Variants in SPOCK3 observed in about 807,000 individuals in gnomAD.
SPOCK3 encodes the protein SPARC (osteonectin), cwcv and kazal like domains proteoglycan 3.
Under a neutral mutation model 56.6 loss-of-function variants are expected in SPOCK3, and 30 were observed. That is an observed-to-expected ratio of 0.53 (90% confidence interval 0.40 to 0.72). SPOCK3 has a LOEUF of 0.72. Ranked by LOEUF, SPOCK3 falls within the 30% of genes least tolerant of loss-of-function variation. The probability of loss-of-function intolerance (pLI) is 0.00; values close to 1 mark genes in which losing one functional copy is unlikely to be tolerated. For synonymous variants in SPOCK3, 196 were observed against 183.3 expected (o/e 1.07, Z -0.56); for missense variants, 527 against 530.0 (o/e 0.99, Z 0.06).
At chr4:166,847,603 T>G (rs899137494) in intron 6 of SPOCK3, among the ~76,000 whole-genome samples, 25 of 135,340 alleles carry the variant, frequency 1.8e-4, no homozygotes, top group African/African-American at 6.7e-4. Context: ...AAGTAGAGCA[T>G]TTTTGGGTAA....
chr4:167,015,253 T>A (rs531355674), intron 3 of SPOCK3, among the ~76,000 whole-genome samples: 38 of 152,232 alleles, frequency 2.5e-4, no homozygotes, highest in African/African-American at 8.9e-4. Flanking sequence ...CTGTTGGCAA[T>A]GTTTATAAAA....
chr4:167,048,327 A>C (rs574892902), intron 3 of SPOCK3, among the ~76,000 whole-genome samples: 1 of 152,124 alleles, frequency 6.6e-6, no homozygotes, highest in Admixed American at 6.6e-5. Context: ...ACAAAAATGC[A>C]AAAGAAAAAA....
chr4:167,156,667 CTGA>C (rs1764843291), intron 2 of SPOCK3, among the ~76,000 whole-genome samples: 1 of 152,118 alleles, frequency 6.6e-6, no homozygotes, highest in Non-Finnish European at 1.5e-5. Flanking sequence ...CTGTAACTTA[CTGA>C]TGTGTGCATA....
chr4:167,087,646 G>A (rs1002738726), intron 2 of SPOCK3, among the ~76,000 whole-genome samples: 1 of 152,116 alleles, frequency 6.6e-6, no homozygotes, highest in Admixed American at 6.6e-5. Context: ...CATGCTATCT[G>A]AGATTGCTCC....
At chr4:167,076,188 G>A (rs1388518231) in intron 2 of SPOCK3, among the ~76,000 whole-genome samples, 1 of 151,774 alleles carries the variant, frequency 6.6e-6, no homozygotes, top group Non-Finnish European at 1.5e-5. Flanking sequence ...TGGGGAACAG[G>A]GAAACTATTT....
intron 2 of SPOCK3, among the ~76,000 whole-genome samples, chr4:167,194,115 CTTTG>C (rs1231439907): frequency 8.2e-6 from 1 of 122,676 alleles, no homozygotes; most frequent in Non-Finnish European, 1.7e-5. Flanking sequence ...CAGTTGGTTC[CTTTG>C]TTTGTCTCAC....
intron 7 of SPOCK3, among the ~76,000 whole-genome samples, chr4:166,768,941 C>A (rs1738526855): frequency 6.6e-6 from 1 of 152,180 alleles, no homozygotes; most frequent in African/African-American, 2.4e-5. Context: ...TTCATTTGAT[C>A]TTCCATCACT....
chr4:167,109,679 G>T (rs2150344574), intron 2 of SPOCK3, among the ~76,000 whole-genome samples: 1 of 147,342 alleles, frequency 6.8e-6, no homozygotes, highest in East Asian at 2.0e-4. Context: ...AGAAACTCTT[G>T]AAGCATACAA....
intron 4 of SPOCK3, among the ~76,000 whole-genome samples, chr4:166,996,856 T>C (rs1748430864): frequency 1.3e-5 from 2 of 152,292 alleles, no homozygotes; most frequent in Admixed American, 6.5e-5. Flanking sequence ...AGAGGACAAT[T>C]ATTATTATTT....
intron 4 of SPOCK3, among the ~76,000 whole-genome samples, chr4:166,929,999 G>A (rs1302131927): frequency 2.6e-5 from 4 of 152,018 alleles, no homozygotes; most frequent in Non-Finnish European, 5.9e-5. Context: ...CATACTTAAA[G>A]TTTCAAATGA....
chr4:167,122,111 CTCTTT>C (rs1299199296), intron 2 of SPOCK3, among the ~76,000 whole-genome samples: 23 of 144,138 alleles, frequency 1.6e-4, no homozygotes, highest in African/African-American at 5.1e-4. Context: ...CTCTTCTCTT[CTCTTT>C]TTTCTTTTTT....
At chr4:166,898,094 GGAA>G (rs1735593913) in intron 5 of SPOCK3, among the ~76,000 whole-genome samples, 1 of 152,076 alleles carries the variant, frequency 6.6e-6, no homozygotes, top group African/African-American at 2.4e-5. Context: ...CAGCTACTCA[GGAA>G]GCTGAGGCAG....
At chr4:167,025,124 G>A (rs1397803095) in intron 3 of SPOCK3, among the ~76,000 whole-genome samples, 3 of 151,568 alleles carry the variant, frequency 2.0e-5, no homozygotes, top group Admixed American at 6.6e-5. Context: ...AAATATCTTC[G>A]TCCTTCTGGT....
At chr4:166,860,811 A>ATATATATATATATATATATATG (rs984740187) in intron 6 of SPOCK3, among the ~76,000 whole-genome samples, 1 of 143,760 alleles carries the variant, frequency 7.0e-6, no homozygotes, top group Non-Finnish European at 1.5e-5. Context: ...TCATATATAT[A>ATATATATATATATATATATATG]TATATGTATA....
chr4:166,977,178 T>G (rs116540181), intron 4 of SPOCK3, among the ~76,000 whole-genome samples: 1,929 of 152,216 alleles, frequency 0.013, 19 homozygotes, highest in Non-Finnish European at 0.019. Context: ...ATATATCTTC[T>G]ATTAAGTCTG....
intron 2 of SPOCK3, among the ~76,000 whole-genome samples, chr4:167,125,610 G>C (rs533434972): frequency 6.6e-6 from 1 of 152,014 alleles, no homozygotes; most frequent in Non-Finnish European, 1.5e-5. Context: ...AGCTACTCGG[G>C]AGGCTGAGGG....
At chr4:167,012,850 G>A (rs578174696) in intron 3 of SPOCK3, among the ~76,000 whole-genome samples, 1 of 152,040 alleles carries the variant, frequency 6.6e-6, no homozygotes, top group East Asian at 1.9e-4. Flanking sequence ...ATGCTGTAAA[G>A]CTATAGGAAG....
chr4:166,832,367 C>G (rs1047613079), intron 6 of SPOCK3, among the ~76,000 whole-genome samples: 3 of 148,548 alleles, frequency 2.0e-5, no homozygotes, highest in African/African-American at 7.5e-5. Context: ...AGGCACCATC[C>G]CACACCAATC....
chr4:166,944,377 A>T (rs899756179), intron 4 of SPOCK3, among the ~76,000 whole-genome samples: 5 of 152,162 alleles, frequency 3.3e-5, no homozygotes, highest in Admixed American at 3.3e-4. Context: ...CATAAGATTG[A>T]TACATCACTC....
Sources: gnomAD v4.1 joint callset for allele counts (sites outside exome capture counted in the v4.1 genomes callset) on GRCh38, gnomAD v4.1.1 for gene constraint, MANE v1.5 for transcripts, NCBI Gene and HGNC (gene_info 2026-07-23, HGNC 2026-07-21) for gene names.